Variants in COL10A1 observed in about 807,000 individuals in gnomAD.
COL10A1 encodes the protein collagen type X alpha 1 chain.
In COL10A1, 10 loss-of-function variants were observed where a neutral mutation model predicts 18.2. That is an observed-to-expected ratio of 0.55 (90% CI 0.34 to 0.93). The LOEUF (loss-of-function observed/expected upper bound fraction) is 0.93, where lower values mean the gene tolerates loss of function less well. COL10A1 is among the 40% of genes least tolerant of loss of function. COL10A1 has a pLI of 0.02. For synonymous variants in COL10A1, 330 were observed against 316.6 expected, an observed-to-expected ratio of 1.04 and a Z score of -0.45; for missense variants, 897 against 853.5, an observed-to-expected ratio of 1.05 and a Z score of -0.64.
intron 2 of COL10A1, 99 bp from the exon 3 acceptor site, chr6:116,122,060 T>G: frequency 9.8e-7 from 1 of 1,017,912 alleles, no homozygotes; most frequent in Admixed American, 1.7e-5. Context: ...ACACGATATT[T>G]CAGCATCATT....
the COL10A1 span, among the ~76,000 whole-genome samples, chr6:116,181,504 C>A: frequency 7.9e-5 from 12 of 152,012 alleles, no homozygotes; most frequent in Non-Finnish European, 1.6e-4. Flanking sequence ...AAAAGAACTT[C>A]TTTAATCCCA....
chr6:116,129,606 C>T (rs139785685), upstream of COL10A1, among the ~76,000 whole-genome samples: 4 of 152,276 alleles, frequency 2.6e-5, no homozygotes, highest in South Asian at 2.1e-4. Flanking sequence ...ACAGCATGAA[C>T]GCTCTCTCCA....
chr6:116,188,477 A>G, the COL10A1 span, among the ~76,000 whole-genome samples: 422 of 152,158 alleles, frequency 2.8e-3, 1 homozygote, highest in African/African-American at 9.3e-3. Context: ...ATGAAGCTTT[A>G]TGAACAACAT....
the COL10A1 span, among the ~76,000 whole-genome samples, chr6:116,191,721 A>G: frequency 2.0e-5 from 3 of 152,086 alleles, no homozygotes; most frequent in Admixed American, 2.0e-4. Context: ...AATGTAGTTT[A>G]TATAAGTTTC....
intron 2 of COL10A1, among the ~76,000 whole-genome samples, chr6:116,123,776 CTTTTCATTTGTTAAGATA>C (rs769466177): frequency 4.2e-4 from 64 of 152,206 alleles, no homozygotes; most frequent in Non-Finnish European, 8.2e-4. Context: ...AGCTTCTGAA[CTTTTCATTTGTTAAGATA>C]TTTTCATTTG....
the COL10A1 span, among the ~76,000 whole-genome samples, chr6:116,178,090 C>CGTGTGTGTGTGT: frequency 2.9e-5 from 3 of 103,522 alleles, no homozygotes; most frequent in Admixed American, 2.7e-4. Context: ...TGTGTGTGTG[C>CGTGTGTGTGTGT]GCGCGCGCGC....
At chr6:116,210,735 G>A in the COL10A1 span, among the ~76,000 whole-genome samples, 2 of 143,660 alleles carry the variant, frequency 1.4e-5, no homozygotes, top group Non-Finnish European at 3.2e-5. Context: ...TAAAACCATG[G>A]AAATGTTTTA....
the COL10A1 span, among the ~76,000 whole-genome samples, chr6:116,170,139 G>A: frequency 0.11 from 17,186 of 152,068 alleles, 1,177 homozygotes; most frequent in East Asian, 0.26. Context: ...AGTGGATATG[G>A]CCAGTGTCTT....
the COL10A1 span, among the ~76,000 whole-genome samples, chr6:116,197,075 G>C: frequency 1.3e-5 from 2 of 151,736 alleles, no homozygotes; most frequent in Admixed American, 6.6e-5. Flanking sequence ...GAGCCAGAGG[G>C]TCACGGGAAG....
chr6:116,141,928 T>A (rs960206693), intron 1 of COL10A1, among the ~76,000 whole-genome samples: 16 of 119,382 alleles, frequency 1.3e-4, no homozygotes, highest in African/African-American at 4.9e-4. Context: ...ACACACACAC[T>A]GTAAATGTGA....
rs1392599964 is a variant in COL10A1, at chr6:116,156,479, T to G, written c.-16+2135A>C. ...TGCCTCATAAGGGATTACTATGCTG[T>G]GTATAGTGCAAAGTAAAAAGGAATG... On this transcript the variant is annotated intron_variant, in intron 1 of 1. Coordinates refer to the COL10A1 transcript ENST00000418500. Among the ~76,000 whole-genome samples the G allele has an allele frequency of 2.0e-5, 3 of 152,160 alleles. No individual in the cohort carries two copies. The East Asian group carries it at 5.8e-4, about 29-fold the overall frequency.
chr6:116,147,208 C>T (rs955505235), intron 1 of COL10A1, among the ~76,000 whole-genome samples: 10 of 151,634 alleles, frequency 6.6e-5, no homozygotes, highest in African/African-American at 2.4e-4. Flanking sequence ...TGGGAGGCCA[C>T]GGTGGGCAGA....
chr6:116,143,274 G>T (rs1348936278), intron 1 of COL10A1, among the ~76,000 whole-genome samples: 3 of 151,984 alleles, frequency 2.0e-5, no homozygotes, highest in Non-Finnish European at 2.9e-5. Flanking sequence ...GCAGTGGCGC[G>T]ATTTTGGCTC....
At chr6:116,155,231 C>G (rs150761614) in intron 1 of COL10A1, among the ~76,000 whole-genome samples, 2 of 152,160 alleles carry the variant, frequency 1.3e-5, no homozygotes, top group Admixed American at 1.3e-4. Context: ...AGACAACTGT[C>G]GTGATGGTTA....
the COL10A1 span, among the ~76,000 whole-genome samples, chr6:116,194,889 A>G: frequency 6.6e-6 from 1 of 152,080 alleles, no homozygotes; most frequent in African/African-American, 2.4e-5. Context: ...TTAGTTTGAT[A>G]CAAGCATATT....
the COL10A1 span, among the ~76,000 whole-genome samples, chr6:116,212,568 A>G: frequency 3.3e-5 from 5 of 152,142 alleles, no homozygotes; most frequent in East Asian, 9.6e-4. Flanking sequence ...TATCTGAACT[A>G]AATTAATTAA....
chr6:116,204,838 G>T, the COL10A1 span, among the ~76,000 whole-genome samples: 1 of 151,968 alleles, frequency 6.6e-6, no homozygotes, highest in East Asian at 1.9e-4. Context: ...TGTGTAGTAG[G>T]TGCTCAGTAA....
In COL10A1 at chr6:116,121,918, G is replaced by T; in HGVS notation, c.198C>A (p.Gly66=). 6.2e-7 allele frequency: 1 copy of T among 1,613,684 alleles called. No homozygotes were observed. The highest frequency in any genetic ancestry group is 8.5e-7 in the Non-Finnish European group (1 of 1,179,992). The change falls in exon 3 of 3, where the codon GGC becomes GGA. Residue 66 remains glycine, a synonymous_variant. Transcript: ENST00000651968. ...RGEQGTPGPP[G]PAGPRGHPGP... is the part of the protein sequence containing the mutation. ...CTGGGTGCCCTCGAGGTCCAGCAGGGCCTGGTGGACCAGGAGTACCTTGCT... is the reference window on the plus strand; with the variant it reads ...CTGGGTGCCCTCGAGGTCCAGCAGGTCCTGGTGGACCAGGAGTACCTTGCT...
intron 1 of COL10A1, among the ~76,000 whole-genome samples, chr6:116,147,912 G>A (rs1183498438): frequency 6.6e-6 from 1 of 152,028 alleles, no homozygotes; most frequent in South Asian, 2.1e-4. Flanking sequence ...CTTGAACCTG[G>A]GAGGCGGAGG....
Sources: allele counts gnomAD v4.1 joint callset (sites outside exome capture counted in the v4.1 genomes callset), GRCh38; gene constraint gnomAD v4.1.1; transcripts MANE v1.5; gene names NCBI Gene and HGNC (gene_info 2026-07-23, HGNC 2026-07-21).